The following ERAP1 variants were observed in gnomAD, a reference collection of about 807,000 sequenced individuals.
ERAP1 encodes adipocyte-derived leucine aminopeptidase.
ERAP1 carries 86 observed loss-of-function variants against 103.7 expected under a neutral mutation model. The ratio of observed to expected loss-of-function variants is 0.83; its 90% CI spans 0.70 to 0.99. The LOEUF (loss-of-function observed/expected upper bound fraction) is 0.99. Ranked by LOEUF, ERAP1 falls within the 50% of genes least tolerant of loss-of-function variation. ERAP1 has a pLI of 0.00. For missense variants in ERAP1, 1,009 were observed against 1,128.4 expected, an observed-to-expected ratio of 0.89 and a Z score of 1.52; for synonymous variants, 398 against 402.4, an observed-to-expected ratio of 0.99 and a Z score of 0.13.
the ERAP1 span, among the ~76,000 whole-genome samples, chr5:96,925,769 G>C: frequency 8.5e-5 from 13 of 152,130 alleles, no homozygotes; most frequent in African/African-American, 2.4e-5. Context: ...TATACCTGTA[G>C]AATTTTCTAT....
chr5:96,803,486 A>C lies in ERAP1; in HGVS notation c.441T>G (p.Val147=), dbSNP rs1367540478. 6.2e-7 allele frequency: 1 copy of C among 1,613,560 alleles called. No individual in the cohort carries two copies. Among genetic ancestry groups the C allele is most frequent in the Non-Finnish European group, 8.5e-7 (1 of 1,179,918 alleles). ...AAAGATTGCCAGCATAGTGAATGAC[A>C]ACTGTGTACGGGAGCCCGACAAGGA... ...EPLLVGLPYT[V]VIHYAGNLSE... The change falls in exon 2 of 19, where the codon GTT becomes GTG. Residue 147 remains valine (V), a synonymous_variant. Coordinates refer to ENST00000443439, the MANE Select transcript of ERAP1 (RefSeq NM_001040458.3).
chr5:96,883,790 A>G, the ERAP1 span: 12 of 1,609,450 alleles, frequency 7.5e-6, no homozygotes, highest in Non-Finnish European at 9.3e-6. Flanking sequence ...GTCTTTTCAC[A>G]GAATTCTTGC....
chr5:96,854,898 A>G, the ERAP1 span, among the ~76,000 whole-genome samples: 13 of 152,194 alleles, frequency 8.5e-5, no homozygotes, highest in African/African-American at 3.1e-4. Flanking sequence ...TCTTTTTAAC[A>G]TGAGAGAAAT....
At chr5:96,907,711 G>T in the ERAP1 span, among the ~76,000 whole-genome samples, 1 of 151,880 alleles carries the variant, frequency 6.6e-6, no homozygotes, top group Admixed American at 6.6e-5. Flanking sequence ...GTGAAATCCC[G>T]TCTCTACTAA....
the ERAP1 span, among the ~76,000 whole-genome samples, chr5:96,904,420 T>A: frequency 1.3e-5 from 2 of 152,124 alleles, no homozygotes; most frequent in Non-Finnish European, 2.9e-5. Flanking sequence ...TCAAATTGAG[T>A]GAAAGTGACC....
At chr5:96,834,339 GT>G in the ERAP1 span, among the ~76,000 whole-genome samples, 1 of 152,198 alleles carries the variant, frequency 6.6e-6, no homozygotes, top group African/African-American at 2.4e-5. Flanking sequence ...ATTTGTTAGA[GT>G]TTGTCAAGCT....
At chr5:96,905,567 C>T in the ERAP1 span, among the ~76,000 whole-genome samples, 1 of 152,116 alleles carries the variant, frequency 6.6e-6, no homozygotes, top group African/African-American at 2.4e-5. Context: ...ACTTTCCTCC[C>T]TGCTTTATGA....
chr5:96,844,828 C>T, the ERAP1 span, among the ~76,000 whole-genome samples: 1 of 152,192 alleles, frequency 6.6e-6, no homozygotes, highest in Non-Finnish European at 1.5e-5. Flanking sequence ...TTAAAAAGGG[C>T]TGTTGATCCA....
chr5:96,794,395 G>T (rs1777115183), intron 5 of ERAP1, among the ~76,000 whole-genome samples: 1 of 151,896 alleles, frequency 6.6e-6, no homozygotes, highest in African/African-American at 2.4e-5. Context: ...TTGCCATGTT[G>T]CCCAGGCTGG....
rs573369828 is a variant in ERAP1, at chr5:96,765,621, G to C, written c.2819-2393C>G. ...AGCACATCCATTCAAATTAGCTGTTGTCCTTCAGGGTTGCTTATAAATAGG... is the reference window on the plus strand; with the variant it reads ...AGCACATCCATTCAAATTAGCTGTTCTCCTTCAGGGTTGCTTATAAATAGG... On this transcript the variant is annotated intron_variant, in intron 19 of 19. Coordinates refer to the ERAP1 transcript ENST00000296754. Among the ~76,000 whole-genome samples the C allele has an allele frequency of 4.6e-4, 70 of 152,190 alleles. 1 individual carries two copies. The highest frequency in any genetic ancestry group is 1.6e-3 in the African/African-American group (68 of 41,506).
the ERAP1 span, among the ~76,000 whole-genome samples, chr5:96,913,010 C>T: frequency 6.6e-6 from 1 of 152,078 alleles, no homozygotes. Context: ...TGAGACTAGA[C>T]AAGCGGTTAT....
At chr5:96,790,784 G>T in intron 8 of ERAP1, 141 bp from the exon 9 acceptor site, 1 of 764,036 alleles carries the variant, frequency 1.3e-6, no homozygotes. Context: ...TTGTGAAACA[G>T]AGTAAGCAGG....
intron 17 of ERAP1, 78 bp downstream of exon 17, chr5:96,780,980 C>A: frequency 6.5e-7 from 1 of 1,548,304 alleles, no homozygotes; most frequent in Non-Finnish European, 8.9e-7. Context: ...TGTTACTGTT[C>A]TTTTACAAAC....
chr5:96,934,250 G>C, the ERAP1 span: 3 of 152,224 alleles, frequency 2.0e-5, no homozygotes, highest in Non-Finnish European at 4.4e-5. Flanking sequence ...TGAGTGCTGA[G>C]AAGGAAATAA....
At chr5:96,843,514 G>C in the ERAP1 span, among the ~76,000 whole-genome samples, 1 of 152,230 alleles carries the variant, frequency 6.6e-6, no homozygotes, top group Admixed American at 6.5e-5. Context: ...GCCATGCACA[G>C]AAGTGGGGAG....
At position 96,784,006 on chromosome 5, in the gene ERAP1, A is replaced by T. The variant is rs752927512; in HGVS notation, c.2018T>A (p.Val673Glu). Residue 673 changes from valine (V) to glutamate (E), a missense_variant, in exon 14 of 19, where the codon GTG becomes GAG. Val to Glu is a moderately radical substitution (Grantham distance 121). Transcript: ENST00000443439. ...AATCAGCTCATTCAAACCTTGAAAC[A>T]CGGGCATAATTTCAGTTTCATGTTT... ...YLKHETEIMP[V>E]FQGLNELIPM... 1.2e-6 allele frequency: 2 copies of T among 1,614,068 alleles called. No homozygotes were observed. Among genetic ancestry groups the T allele is most frequent in the South Asian group, 2.2e-5 (2 of 91,084 alleles).
At chr5:96,895,698 C>T in the ERAP1 span, among the ~76,000 whole-genome samples, 9 of 152,158 alleles carry the variant, frequency 5.9e-5, no homozygotes, top group South Asian at 2.1e-4. Flanking sequence ...AGAGAGTTCT[C>T]GGCATGTAAC....
the ERAP1 span, among the ~76,000 whole-genome samples, chr5:96,882,347 A>G: frequency 5.3e-5 from 8 of 152,178 alleles, no homozygotes; most frequent in Non-Finnish European, 1.2e-4. Flanking sequence ...AAGCTGTAGG[A>G]CTTTCCAGCA....
Position 96,776,124 on chromosome 5 carries a change from G to T in ERAP1, c.*272C>A, listed in dbSNP as rs1250766098. 1 of 1,411,446 alleles carries T rather than the reference G, an allele frequency of 7.1e-7. No individual in the cohort carries two copies. Among genetic ancestry groups the T allele is most frequent in the Non-Finnish European group, 9.4e-7 (1 of 1,068,704 alleles). 87.4% of individuals were successfully genotyped at this position (1,411,446 alleles called of 1,614,324 possible). A position where few individuals can be genotyped will look rare whatever the true frequency, so the allele number is the denominator to read the frequency against. On this transcript the variant is annotated 3_prime_UTR_variant, in exon 19 of 19. Coordinates refer to ENST00000443439, the MANE Select transcript of ERAP1 (RefSeq NM_001040458.3). ...GGTGCTTAAGCATAAACTATAAAATGAGAAGAATAAGGTACTTTATTCTTC... is the reference window on the plus strand; with the variant it reads ...GGTGCTTAAGCATAAACTATAAAATTAGAAGAATAAGGTACTTTATTCTTC...
Sources: allele counts gnomAD v4.1 joint callset (sites outside exome capture counted in the v4.1 genomes callset), GRCh38; gene constraint gnomAD v4.1.1; transcripts MANE v1.5; gene names NCBI Gene and HGNC (gene_info 2026-07-23, HGNC 2026-07-21).